The following PTPRG variants were observed in gnomAD, a reference collection of about 807,000 sequenced individuals.
The protein encoded by PTPRG is receptor-type tyrosine-protein phosphatase gamma.
PTPRG carries 102 observed loss-of-function variants against 165.3 expected under a neutral mutation model. That is an observed-to-expected ratio of 0.62 (90% CI 0.53 to 0.73). The LOEUF is 0.73. Ranked by LOEUF, PTPRG falls within the 30% of genes least tolerant of loss-of-function variation. PTPRG has a pLI of 0.00. For missense variants in PTPRG, 1,866 were observed against 1,861.4 expected, an observed-to-expected ratio of 1.00 and a Z score of -0.05; for synonymous variants, 675 against 669.5, an observed-to-expected ratio of 1.01 and a Z score of -0.13.
At chr3:62,160,398 G>C (rs73096591) in intron 7 of PTPRG, among the ~76,000 whole-genome samples, 15,579 of 152,228 alleles carry the variant, frequency 0.1, 1,019 homozygotes, top group East Asian at 0.35. Context: ...TAATGGAACC[G>C]CACATTGGTT....
At chr3:61,917,183 G>A (rs929696114) in intron 2 of PTPRG, among the ~76,000 whole-genome samples, 3 of 152,160 alleles carry the variant, frequency 2.0e-5, no homozygotes, top group Non-Finnish European at 2.9e-5. Context: ...CAAGTTAGAC[G>A]CTCGGCTCCT....
At chr3:61,907,934 A>G (rs1346410730) in intron 2 of PTPRG, among the ~76,000 whole-genome samples, 3 of 109,626 alleles carry the variant, frequency 2.7e-5, no homozygotes, top group Non-Finnish European at 5.4e-5. Context: ...GATGCCAGCA[A>G]CATAGCGAGA....
At chr3:62,281,411 T>C (rs1158778194) in intron 26 of PTPRG, 152 bp from the exon 27 acceptor site, 8 of 616,728 alleles carry the variant, frequency 1.3e-5, no homozygotes, top group Non-Finnish European at 1.9e-5. Context: ...ACCATTCAAC[T>C]TGGTGTAGTT....
intron 2 of PTPRG, among the ~76,000 whole-genome samples, chr3:61,751,648 C>T (rs1172127217): frequency 1.3e-5 from 2 of 152,156 alleles, no homozygotes; most frequent in Non-Finnish European, 2.9e-5. Flanking sequence ...ATTAATAGCA[C>T]TTCCCACATA....
chr3:61,789,902 A>G (rs1049789900), intron 2 of PTPRG, among the ~76,000 whole-genome samples: 4 of 152,240 alleles, frequency 2.6e-5, no homozygotes, highest in African/African-American at 7.2e-5. Context: ...AATTTTGTGC[A>G]TGGAGTGAAT....
At chr3:61,856,993 C>T (rs771210084) in intron 2 of PTPRG, among the ~76,000 whole-genome samples, 3 of 152,078 alleles carry the variant, frequency 2.0e-5, no homozygotes, top group Non-Finnish European at 4.4e-5. Context: ...CATGAGGCTC[C>T]TTTATTTTCA....
At chr3:61,568,751 T>C (rs930177417) in intron 1 of PTPRG, among the ~76,000 whole-genome samples, 4 of 151,730 alleles carry the variant, frequency 2.6e-5, no homozygotes, top group South Asian at 2.1e-4. Flanking sequence ...CTTCTAAAAA[T>C]ACAAAAATTA....
At chr3:61,740,681 TACG>T (rs1279940762) in intron 1 of PTPRG, among the ~76,000 whole-genome samples, 5 of 152,172 alleles carry the variant, frequency 3.3e-5, no homozygotes, top group African/African-American at 1.2e-4. Flanking sequence ...CCCTCTAGGA[TACG>T]ACATTGCTGT....
intron 3 of PTPRG, among the ~76,000 whole-genome samples, chr3:61,993,407 C>T (rs970943444): frequency 3.3e-5 from 5 of 151,854 alleles, no homozygotes; most frequent in Non-Finnish European, 7.4e-5. Context: ...TTAGTAGAGA[C>T]GGGGTTGCTC....
intron 1 of PTPRG, among the ~76,000 whole-genome samples, chr3:61,576,854 A>G (rs1216530598): frequency 1.3e-5 from 2 of 152,198 alleles, no homozygotes; most frequent in African/African-American, 2.4e-5. Context: ...TTTAATTGGT[A>G]AGATCCACTA....
chr3:61,728,888 A>T (rs1044382932), intron 1 of PTPRG, among the ~76,000 whole-genome samples: 1 of 151,172 alleles, frequency 6.6e-6, no homozygotes, highest in Non-Finnish European at 1.5e-5. Flanking sequence ...AAAAAAAAAA[A>T]AAAAGAAAGA....
intron 4 of PTPRG, among the ~76,000 whole-genome samples, chr3:62,073,043 G>C (rs2526430): frequency 0.29 from 44,249 of 151,996 alleles, 7,646 homozygotes; most frequent in African/African-American, 0.5. Context: ...CTGGGCAAAT[G>C]TGGGACAATC....
At chr3:61,908,340 G>A (rs554744814) in intron 2 of PTPRG, among the ~76,000 whole-genome samples, 4 of 144,540 alleles carry the variant, frequency 2.8e-5, no homozygotes, top group African/African-American at 1.0e-4. Context: ...GTGGGGAATC[G>A]CTTGAACCTG....
intron 9 of PTPRG, among the ~76,000 whole-genome samples, chr3:62,191,887 C>T (rs988977061): frequency 3.3e-5 from 5 of 152,152 alleles, no homozygotes; most frequent in African/African-American, 7.2e-5. Flanking sequence ...CCCGGAGAGC[C>T]GGTTCATTTC....
intron 1 of PTPRG, among the ~76,000 whole-genome samples, chr3:61,706,998 A>G (rs1198095531): frequency 6.6e-6 from 1 of 152,094 alleles, no homozygotes; most frequent in Non-Finnish European, 1.5e-5. Context: ...TGGTATTTTC[A>G]TATTATTAGC....
chr3:61,592,891 A>G (rs1166192139), intron 1 of PTPRG, among the ~76,000 whole-genome samples: 1 of 151,674 alleles, frequency 6.6e-6, no homozygotes, highest in Non-Finnish European at 1.5e-5. Flanking sequence ...CCCATCCTTG[A>G]CCTAAGTATG....
chr3:61,605,516 A>G (rs1229713303), intron 1 of PTPRG, among the ~76,000 whole-genome samples: 1 of 152,014 alleles, frequency 6.6e-6, no homozygotes, highest in East Asian at 1.9e-4. Context: ...TTGGCCTCCC[A>G]AAGTGCTAGG....
chr3:62,054,810 G>A (rs1190142301), intron 4 of PTPRG, among the ~76,000 whole-genome samples: 2 of 152,160 alleles, frequency 1.3e-5, no homozygotes, highest in African/African-American at 2.4e-5. Context: ...TCAAAGATGT[G>A]GTTTTGCATT....
chr3:61,824,399 G>A (rs1351605402), intron 2 of PTPRG, among the ~76,000 whole-genome samples: 1 of 152,148 alleles, frequency 6.6e-6, no homozygotes, highest in African/African-American at 2.4e-5. Context: ...CTACCACCAG[G>A]TTACTCATGT....
Sources: allele counts gnomAD v4.1 joint callset (sites outside exome capture counted in the v4.1 genomes callset), GRCh38; gene constraint gnomAD v4.1.1; transcripts MANE v1.5; gene names NCBI Gene and HGNC (gene_info 2026-07-23, HGNC 2026-07-21).